NWD2: variants seen among roughly 807,000 people sequenced by gnomAD.
The protein encoded by NWD2 is NACHT and WD repeat domain containing 2.
Under a neutral mutation model 132.7 loss-of-function variants are expected in NWD2, and 37 were observed. That is an observed-to-expected ratio of 0.28 (90% confidence interval 0.21 to 0.37). The LOEUF is 0.37. Ranked by LOEUF, NWD2 falls within the 10% of genes least tolerant of loss-of-function variation. The probability of loss-of-function intolerance (pLI) is 1.00; values close to 1 mark genes in which losing one functional copy is unlikely to be tolerated. For missense variants in NWD2, 1,592 were observed against 2,122.4 expected (o/e 0.75, Z 4.91); for synonymous variants, 705 against 803.0 (o/e 0.88, Z 2.06).
intron 3 of NWD2, among the ~76,000 whole-genome samples, chr4:37,401,826 G>GTGTC (rs1720901703): frequency 6.6e-6 from 1 of 152,118 alleles, no homozygotes; most frequent in Non-Finnish European, 1.5e-5. Flanking sequence ...CCCATCTGCA[G>GTGTC]TGTCTTTTCT....
intron 3 of NWD2, among the ~76,000 whole-genome samples, chr4:37,419,444 A>G (rs938745982): frequency 4.7e-4 from 72 of 152,344 alleles, no homozygotes; most frequent in African/African-American, 1.7e-3. Context: ...AAAAGAAACT[A>G]TCATCAAAGT....
At chr4:37,293,427 G>A (rs541786419) in intron 1 of NWD2, among the ~76,000 whole-genome samples, 13 of 152,268 alleles carry the variant, frequency 8.5e-5, no homozygotes, top group African/African-American at 3.1e-4. Flanking sequence ...TTCATTAGTG[G>A]TATAAAGCAA....
chr4:37,351,904 C>T (rs1719776624), intron 2 of NWD2, among the ~76,000 whole-genome samples: 1 of 152,150 alleles, frequency 6.6e-6, no homozygotes, highest in African/African-American at 2.4e-5. Context: ...TTTCAAAGAA[C>T]ATCTTTATTT....
At chr4:37,274,252 A>G (rs557499710) in intron 1 of NWD2, among the ~76,000 whole-genome samples, 127 of 152,292 alleles carry the variant, frequency 8.3e-4, no homozygotes, top group Non-Finnish European at 1.3e-3. Flanking sequence ...AGGAGATATC[A>G]CCACCGATCC....
At chr4:37,384,355 G>A (rs1720516645) in intron 3 of NWD2, among the ~76,000 whole-genome samples, 1 of 152,092 alleles carries the variant, frequency 6.6e-6, no homozygotes, top group Non-Finnish European at 1.5e-5. Flanking sequence ...TTCATTCCCT[G>A]GTTCCTAGGG....
At chr4:37,438,700 C>T (rs114512916) in intron 5 of NWD2, 101 bp from the exon 6 acceptor site, 10,138 of 784,262 alleles carry the variant, frequency 0.013, 84 homozygotes, top group Non-Finnish European at 0.016. Flanking sequence ...AAACCATAAG[C>T]AAAATAATTT....
At chr4:37,345,949 C>T (rs568784986) in intron 2 of NWD2, among the ~76,000 whole-genome samples, 35 of 152,034 alleles carry the variant, frequency 2.3e-4, no homozygotes, top group Non-Finnish European at 4.6e-4. Context: ...GGCATGGTGG[C>T]GGGCACCTGT....
At chr4:37,397,160 T>A (rs919761564) in intron 3 of NWD2, among the ~76,000 whole-genome samples, 6 of 152,106 alleles carry the variant, frequency 3.9e-5, no homozygotes, top group Non-Finnish European at 7.4e-5. Context: ...GTGGCCACTT[T>A]TTAGTCAGCC....
chr4:37,352,288 T>C (rs1719784489), intron 2 of NWD2, among the ~76,000 whole-genome samples: 1 of 152,196 alleles, frequency 6.6e-6, no homozygotes, highest in Admixed American at 6.5e-5. Context: ...TATTAAAGAC[T>C]CCCGCTATTA....
intron 3 of NWD2, among the ~76,000 whole-genome samples, chr4:37,379,938 A>C (rs1720419773): frequency 6.6e-6 from 1 of 152,210 alleles, no homozygotes; most frequent in South Asian, 2.1e-4. Context: ...ATATATTAGC[A>C]CTGGAAAGAG....
At chr4:37,246,407 A>G (rs1312612495) in intron 1 of NWD2, among the ~76,000 whole-genome samples, 2 of 152,214 alleles carry the variant, frequency 1.3e-5, no homozygotes, top group African/African-American at 4.8e-5. Context: ...AATCAAAACG[A>G]TAACATGCAC....
At chr4:37,294,681 A>G (rs766747117) in intron 1 of NWD2, among the ~76,000 whole-genome samples, 5 of 152,220 alleles carry the variant, frequency 3.3e-5, no homozygotes, top group Admixed American at 6.5e-5. Context: ...AGATTTGACT[A>G]TTTTTAAGGA....
intron 3 of NWD2, among the ~76,000 whole-genome samples, chr4:37,398,025 G>A (rs1405624985): frequency 6.6e-6 from 1 of 152,200 alleles, no homozygotes; most frequent in Non-Finnish European, 1.5e-5. Context: ...GCAACTGAGT[G>A]AGTTGCACAG....
At chr4:37,373,227 C>A (rs1267338393) in intron 3 of NWD2, among the ~76,000 whole-genome samples, 1 of 152,198 alleles carries the variant, frequency 6.6e-6, no homozygotes, top group Non-Finnish European at 1.5e-5. Flanking sequence ...ACTAGGATTT[C>A]AAGCCAGGCA....
chr4:37,256,454 G>A (rs1434398945), intron 1 of NWD2, among the ~76,000 whole-genome samples: 1 of 152,162 alleles, frequency 6.6e-6, no homozygotes, highest in Admixed American at 6.5e-5. Flanking sequence ...ACATGAGGTG[G>A]AACCTGCATG....
chr4:37,415,703 A>T (rs1577696325), intron 3 of NWD2, among the ~76,000 whole-genome samples: 1 of 32,078 alleles, frequency 3.1e-5, no homozygotes, highest in East Asian at 3.2e-3. Context: ...GACTCCGTCT[A>T]AAAAAAAAAA....
chr4:37,270,102 TG>T (rs926490098), intron 1 of NWD2, among the ~76,000 whole-genome samples: 2 of 151,840 alleles, frequency 1.3e-5, no homozygotes, highest in Non-Finnish European at 2.9e-5. Context: ...TCTTATTTGC[TG>T]TTTATATATC....
chr4:37,255,948 G>T (rs570594112), intron 1 of NWD2, among the ~76,000 whole-genome samples: 1 of 152,346 alleles, frequency 6.6e-6, no homozygotes, highest in South Asian at 2.1e-4. Flanking sequence ...GGGTTATTCA[G>T]TTAGAACAAG....
At chr4:37,401,247 A>C (rs1419144418) in intron 3 of NWD2, among the ~76,000 whole-genome samples, 1 of 152,114 alleles carries the variant, frequency 6.6e-6, no homozygotes, top group Non-Finnish European at 1.5e-5. Flanking sequence ...GACAGCCTCC[A>C]TGAGCCCCCT....
Sources: allele counts gnomAD v4.1 joint callset (sites outside exome capture counted in the v4.1 genomes callset), GRCh38; gene constraint gnomAD v4.1.1; transcripts MANE v1.5; gene names NCBI Gene and HGNC (gene_info 2026-07-23, HGNC 2026-07-21).